The following XCR1 variants were observed in gnomAD, a reference collection of about 807,000 sequenced individuals.
The protein encoded by XCR1 is X-C motif chemokine receptor 1, also known as chemokine XC receptor 1.
For missense variants in XCR1, 356 were observed against 424.2 expected, an observed-to-expected ratio of 0.84 and a Z score of 1.41; for synonymous variants, 187 against 188.5, an observed-to-expected ratio of 0.99 and a Z score of 0.06.
At chr3:46,066,644 G>A (rs1034555265) in intron 4 of XCR1, among the ~76,000 whole-genome samples, 3 of 152,180 alleles carry the variant, frequency 2.0e-5, no homozygotes, top group Non-Finnish European at 4.4e-5. Flanking sequence ...AGAAACAGAA[G>A]CTCTTTGGAT....
At chr3:46,077,313 T>C (rs1698278897) in intron 1 of XCR1, among the ~76,000 whole-genome samples, 1 of 152,044 alleles carries the variant, frequency 6.6e-6, no homozygotes, top group Non-Finnish European at 1.5e-5. Flanking sequence ...TATTAGATTC[T>C]CATAGAAGTG....
At chr3:46,065,154 A>C (rs975980487) in intron 4 of XCR1, among the ~76,000 whole-genome samples, 1 of 152,220 alleles carries the variant, frequency 6.6e-6, no homozygotes, top group Non-Finnish European at 1.5e-5. Context: ...AGCTCTACTC[A>C]ACTTTCTGGG....
At chr3:46,038,174 C>T (rs1368806151) in intron 5 of XCR1, among the ~76,000 whole-genome samples, 2 of 151,858 alleles carry the variant, frequency 1.3e-5, no homozygotes, top group Non-Finnish European at 2.9e-5. Context: ...ATTACAGGCA[C>T]GTGCCACCAT....
chr3:46,041,730 A>G (rs979297759), intron 5 of XCR1, among the ~76,000 whole-genome samples: 3 of 152,220 alleles, frequency 2.0e-5, no homozygotes, highest in Non-Finnish European at 4.4e-5. Context: ...TTCCTTCCCC[A>G]GGAAAGGATC....
At chr3:46,062,442 G>C (rs1697980842) in intron 4 of XCR1, among the ~76,000 whole-genome samples, 1 of 152,200 alleles carries the variant, frequency 6.6e-6, no homozygotes, top group Non-Finnish European at 1.5e-5. Flanking sequence ...CTTTTGCCCT[G>C]GGTCTCCCCA....
chr3:46,046,217 A>G (rs1383681789), intron 5 of XCR1, among the ~76,000 whole-genome samples: 1 of 152,196 alleles, frequency 6.6e-6, no homozygotes, highest in East Asian at 1.9e-4. Flanking sequence ...AAAGACAAAG[A>G]TGAAAGAGTA....
chr3:46,026,589 T>C (rs1243821078), intron 1 of XCR1, among the ~76,000 whole-genome samples: 1 of 150,758 alleles, frequency 6.6e-6, no homozygotes, highest in Non-Finnish European at 1.5e-5. Flanking sequence ...TCTTCTTCTT[T>C]TTTTTTTTTT....
At chr3:46,029,154 T>C (rs1001463021), upstream of XCR1, among the ~76,000 whole-genome samples, 1 of 152,220 alleles carries the variant, frequency 6.6e-6, no homozygotes, top group Admixed American at 6.5e-5. Flanking sequence ...TGGAGACATA[T>C]AGATCAATGA....
At chr3:46,070,207 G>T (rs1048340241) in intron 3 of XCR1, among the ~76,000 whole-genome samples, 3 of 152,080 alleles carry the variant, frequency 2.0e-5, no homozygotes, top group Non-Finnish European at 4.4e-5. Context: ...CCTCACAGAT[G>T]ATCTATCTTG....
chr3:46,059,809 T>C (rs1020092734), intron 4 of XCR1, among the ~76,000 whole-genome samples: 4 of 152,358 alleles, frequency 2.6e-5, no homozygotes, highest in Non-Finnish European at 4.4e-5. Context: ...ACCAGAAGAA[T>C]GGATATCTAC....
intron 1 of XCR1, among the ~76,000 whole-genome samples, chr3:46,082,595 A>G (rs111424448): frequency 3.3e-5 from 5 of 149,670 alleles, no homozygotes; most frequent in Admixed American, 6.8e-5. Context: ...GGCTCAAGCA[A>G]TCCTCCCGAC....
rs1165739332 is a variant in XCR1 at position 46,020,447 on chromosome 3, C to T, written c.*499G>A. 1 of 155,018 alleles carries T rather than the reference C, an allele frequency of 6.5e-6. No homozygotes were observed. The highest frequency in any genetic ancestry group is 2.4e-5 in the African/African-American group (1 of 41,462). The allele number at this position is 155,018 out of a possible 1,614,324, so 9.6% of individuals were successfully genotyped here. On this transcript the variant is annotated 3_prime_UTR_variant, in exon 2 of 2. Transcript: ENST00000309285. ...TCAGGGTATGGCGACTTTTGTCTTC[C>T]AGACAGCCTCATCCAGCAGTACCTG...
rs1020182273 is a variant in XCR1 at position 46,019,677 on chromosome 3, G to A, written c.*1269C>T. 2 of 152,578 alleles carry A rather than the reference G, an allele frequency of 1.3e-5. No individual in the cohort carries two copies. The highest frequency in any genetic ancestry group is 6.5e-5 in the Admixed American group (1 of 15,290). 9.5% of individuals were successfully genotyped at this position (152,578 alleles called of 1,614,324 possible). ...CAAGCTGCTGTGGGGAGGAGGCTTA[G>A]AGTGGAATAAGAATGGAAAAGTTGG... On this transcript the variant is annotated 3_prime_UTR_variant, in exon 2 of 2. Transcript: ENST00000309285.
At chr3:46,080,395 T>A (rs559070465) in intron 1 of XCR1, among the ~76,000 whole-genome samples, 1 of 152,226 alleles carries the variant, frequency 6.6e-6, no homozygotes, top group Admixed American at 6.5e-5. Context: ...CTTACAGACT[T>A]ATTACCCATT....
chr3:46,066,029 A>G (rs1698063363), intron 4 of XCR1, among the ~76,000 whole-genome samples: 1 of 152,058 alleles, frequency 6.6e-6, no homozygotes, highest in Non-Finnish European at 1.5e-5. Flanking sequence ...TCAAGCACAT[A>G]AGGGTGGGTG....
At chr3:46,081,246 T>C (rs1160573420) in intron 1 of XCR1, among the ~76,000 whole-genome samples, 1 of 152,186 alleles carries the variant, frequency 6.6e-6, no homozygotes, top group Non-Finnish European at 1.5e-5. Flanking sequence ...ACCAATGGTA[T>C]AATAAAAACT....
intron 5 of XCR1, among the ~76,000 whole-genome samples, chr3:46,051,057 T>A (rs886492058): frequency 6.6e-6 from 1 of 152,052 alleles, no homozygotes; most frequent in Non-Finnish European, 1.5e-5. Context: ...CCCACACAGG[T>A]TTGTCACTAA....
At chr3:46,048,461 T>C (rs989504276) in intron 5 of XCR1, among the ~76,000 whole-genome samples, 2 of 152,142 alleles carry the variant, frequency 1.3e-5, no homozygotes, top group Non-Finnish European at 2.9e-5. Context: ...GTTGATGTCA[T>C]TGTGATTCTG....
chr3:46,017,680 C>T lies in XCR1; in HGVS notation c.*3266G>A, dbSNP rs895581850. ...CTGGCCTGAGCTTGGAGACATGCTC[C>T]GCTCAGAGATCAGCGAGGTTCTTCT... On this transcript the variant is annotated 3_prime_UTR_variant, in exon 2 of 2. Transcript: ENST00000309285. The T allele has an allele frequency of 5.9e-5, 9 of 152,180 alleles. No homozygotes were observed. The highest frequency in any genetic ancestry group is 2.0e-4 in the Admixed American group (3 of 15,270). 9.4% of individuals were successfully genotyped at this position (152,180 alleles called of 1,614,324 possible). A position where few individuals can be genotyped will look rare whatever the true frequency, so the allele number is the denominator to read the frequency against.
Sources: gnomAD v4.1 joint callset for allele counts (sites outside exome capture counted in the v4.1 genomes callset) on GRCh38, gnomAD v4.1.1 for gene constraint, MANE v1.5 for transcripts, NCBI Gene and HGNC (gene_info 2026-07-23, HGNC 2026-07-21) for gene names.